Variants in GALNT13 observed in about 807,000 individuals in gnomAD.
GALNT13 encodes polypeptide N-acetylgalactosaminyltransferase 13.
GALNT13 carries 28 observed loss-of-function variants against 64.2 expected under a neutral mutation model. The ratio of observed to expected loss-of-function variants is 0.44; its 90% CI spans 0.32 to 0.60. The LOEUF is 0.60. GALNT13 is among the 20% of genes least tolerant of loss of function. The probability of loss-of-function intolerance (pLI) is 0.05; values close to 1 mark genes in which losing one functional copy is unlikely to be tolerated. For missense variants in GALNT13, 577 were observed against 669.8 expected (o/e 0.86, Z 1.53); for synonymous variants, 214 against 224.6 (o/e 0.95, Z 0.42).
the GALNT13 span, among the ~76,000 whole-genome samples, chr2:153,351,736 TG>T: frequency 6.6e-6 from 1 of 152,214 alleles, no homozygotes; most frequent in Non-Finnish European, 1.5e-5. Flanking sequence ...ACATTGGCCT[TG>T]TTCACTTAGT....
the GALNT13 span, among the ~76,000 whole-genome samples, chr2:153,413,867 T>C: frequency 6.6e-6 from 1 of 152,198 alleles, no homozygotes; most frequent in South Asian, 2.1e-4. Flanking sequence ...TCTCTCATAG[T>C]TTAGCATCTA....
chr2:153,309,491 T>A, the GALNT13 span, among the ~76,000 whole-genome samples: 1 of 151,728 alleles, frequency 6.6e-6, no homozygotes, highest in Admixed American at 6.6e-5. Context: ...TCTCCCTAAC[T>A]TTGGAAGAAG....
the GALNT13 span, among the ~76,000 whole-genome samples, chr2:153,645,195 G>A: frequency 2.3e-4 from 35 of 152,170 alleles, no homozygotes; most frequent in African/African-American, 7.9e-4. Context: ...GGCATAATGC[G>A]CTCTGCTGAG....
At chr2:154,221,890 C>T (rs1010179455) in intron 4 of GALNT13, among the ~76,000 whole-genome samples, 1 of 151,966 alleles carries the variant, frequency 6.6e-6, no homozygotes, top group Non-Finnish European at 1.5e-5. Context: ...TTTCCTTTTT[C>T]CCAAGACACC....
At chr2:153,196,889 G>A in the GALNT13 span, among the ~76,000 whole-genome samples, 5 of 152,166 alleles carry the variant, frequency 3.3e-5, no homozygotes, top group Admixed American at 6.5e-5. Flanking sequence ...TGCTCCTGCT[G>A]CCACTGCTCG....
At chr2:154,091,135 A>G (rs1324993764) in intron 3 of GALNT13, among the ~76,000 whole-genome samples, 1 of 152,032 alleles carries the variant, frequency 6.6e-6, no homozygotes, top group Non-Finnish European at 1.5e-5. Context: ...TTTGAAGTCT[A>G]GTGCTCAGAT....
chr2:154,364,143 A>G (rs529400177), intron 9 of GALNT13, among the ~76,000 whole-genome samples: 1 of 152,310 alleles, frequency 6.6e-6, no homozygotes, highest in South Asian at 2.1e-4. Flanking sequence ...CATAATTTCT[A>G]TTTATAGGCA....
intron 3 of GALNT13, among the ~76,000 whole-genome samples, chr2:154,000,497 T>A (rs1234080515): frequency 6.6e-6 from 1 of 152,018 alleles, no homozygotes; most frequent in Non-Finnish European, 1.5e-5. Flanking sequence ...GGTTTTGGTA[T>A]GTTGTGTTTC....
chr2:153,839,319 A>G, the GALNT13 span, among the ~76,000 whole-genome samples: 1 of 151,874 alleles, frequency 6.6e-6, no homozygotes, highest in African/African-American at 2.4e-5. Flanking sequence ...CTGAGAATGG[A>G]CATCCATATT....
intron 3 of GALNT13, among the ~76,000 whole-genome samples, chr2:153,980,625 A>C (rs1438399611): frequency 2.0e-5 from 3 of 152,100 alleles, no homozygotes; most frequent in African/African-American, 7.2e-5. Flanking sequence ...TTCATGTAAG[A>C]GTTTTGAGTC....
At chr2:154,408,063 C>T (rs775660592) in intron 10 of GALNT13, among the ~76,000 whole-genome samples, 5 of 151,990 alleles carry the variant, frequency 3.3e-5, no homozygotes, top group African/African-American at 7.2e-5. Flanking sequence ...GTCTATGGTT[C>T]GGAGATACAA....
chr2:154,188,014 TTCTCTCTC>T (rs10635676), intron 4 of GALNT13, among the ~76,000 whole-genome samples: 108 of 144,440 alleles, frequency 7.5e-4, no homozygotes, highest in African/African-American at 1.6e-3. Context: ...GCATCAGGCA[TTCTCTCTC>T]TCTCTCTCTC....
intron 3 of GALNT13, among the ~76,000 whole-genome samples, chr2:153,999,032 G>A (rs373349851): frequency 1.6e-4 from 24 of 151,976 alleles, no homozygotes; most frequent in East Asian, 5.8e-4. Flanking sequence ...CTTTCTTCAC[G>A]GAATTAGAAA....
chr2:153,730,781 A>T, the GALNT13 span, among the ~76,000 whole-genome samples: 1 of 152,030 alleles, frequency 6.6e-6, no homozygotes, highest in Non-Finnish European at 1.5e-5. Context: ...AGTGACTAAC[A>T]AATAAAAATG....
chr2:153,610,415 C>T, the GALNT13 span, among the ~76,000 whole-genome samples: 1 of 152,172 alleles, frequency 6.6e-6, no homozygotes, highest in Non-Finnish European at 1.5e-5. Context: ...TGGCTCACAC[C>T]TGTAATCCCA....
At chr2:153,250,363 T>A in the GALNT13 span, among the ~76,000 whole-genome samples, 3 of 151,978 alleles carry the variant, frequency 2.0e-5, no homozygotes, top group East Asian at 1.9e-4. Flanking sequence ...GAATGGTGAT[T>A]ATTAAATGTC....
At chr2:153,458,496 C>G in the GALNT13 span, among the ~76,000 whole-genome samples, 54 of 152,258 alleles carry the variant, frequency 3.5e-4, 1 homozygote, top group East Asian at 8.1e-3. Context: ...CTTTTTCCCT[C>G]AGTTTAACAT....
chr2:153,388,337 A>G, the GALNT13 span, among the ~76,000 whole-genome samples: 2 of 152,098 alleles, frequency 1.3e-5, no homozygotes, highest in African/African-American at 4.8e-5. Flanking sequence ...TATGTGGTGT[A>G]GAAGAAATAA....
chr2:153,621,732 C>A, the GALNT13 span, among the ~76,000 whole-genome samples: 1 of 152,108 alleles, frequency 6.6e-6, no homozygotes, highest in African/African-American at 2.4e-5. Flanking sequence ...CCACCACCAC[C>A]TTAAGCCACA....
Sources: allele counts gnomAD v4.1 joint callset (sites outside exome capture counted in the v4.1 genomes callset), GRCh38; gene constraint gnomAD v4.1.1; transcripts MANE v1.5; gene names NCBI Gene and HGNC (gene_info 2026-07-23, HGNC 2026-07-21).